Variants in TNFSF8 observed in about 807,000 individuals in gnomAD.
TNFSF8 encodes the protein TNF superfamily member 8.
A neutral mutation model predicts 22.0 loss-of-function variants in TNFSF8; 4 were observed. The observed-to-expected ratio is 0.18, with a 90% CI of 0.09 to 0.42. The LOEUF (loss-of-function observed/expected upper bound fraction) is 0.42. Ranked by LOEUF, TNFSF8 falls within the 10% of genes least tolerant of loss-of-function variation. The probability of loss-of-function intolerance (pLI) is 1.00; values close to 1 mark genes in which losing one functional copy is unlikely to be tolerated. For synonymous variants in TNFSF8, 106 were observed against 112.5 expected, an observed-to-expected ratio of 0.94 and a Z score of 0.37; for missense variants, 233 against 281.8, an observed-to-expected ratio of 0.83 and a Z score of 1.24.
intron 2 of TNFSF8, among the ~76,000 whole-genome samples, chr9:114,910,337 A>G (rs1587934228): frequency 6.6e-6 from 1 of 152,190 alleles, no homozygotes; most frequent in South Asian, 2.1e-4. Flanking sequence ...TCACAATATT[A>G]GACAGAAAGG....
At chr9:114,912,296 C>T (rs1474271348) in intron 2 of TNFSF8, among the ~76,000 whole-genome samples, 1 of 152,202 alleles carries the variant, frequency 6.6e-6, no homozygotes, top group East Asian at 1.9e-4. Context: ...TGCCCTAGTC[C>T]ATGGTTTGTG....
Position 114,904,025 on chromosome 9 carries a change from A to T in TNFSF8, c.611T>A (p.Ile204Lys). ...CTGGAATGTATCCACATTGACTGAT[A>T]TGGTGGTGTTGACCTGCAGGTAATC... is the stretch of plus-strand genomic sequence containing the variant. ...LLDYLQVNTTISVNVDTFQYI... is the reference protein window; with the variant it reads ...LLDYLQVNTTKSVNVDTFQYI... The change falls in exon 4 of 4, where the codon ATA (isoleucine) becomes AAA (lysine). Residue 204 changes from isoleucine to lysine, a missense_variant. Transcript: ENST00000223795. 1 of 1,614,150 alleles carries T rather than the reference A, an allele frequency of 6.2e-7. No homozygotes were observed. The highest frequency in any genetic ancestry group is 8.5e-7 in the Non-Finnish European group (1 of 1,179,982).
chr9:114,905,972 A>C, intron 2 of TNFSF8, 73 bp from the exon 3 acceptor site: 1 of 985,360 alleles, frequency 1.0e-6, no homozygotes, highest in Non-Finnish European at 1.6e-6. Flanking sequence ...ATCTTTTTCT[A>C]CAACACTTTG....
At chr9:114,907,334 G>A (rs931655368) in intron 2 of TNFSF8, among the ~76,000 whole-genome samples, 3 of 152,128 alleles carry the variant, frequency 2.0e-5, no homozygotes, top group African/African-American at 7.2e-5. Context: ...TGCATCCTCT[G>A]ATCAGTGCTC....
intron 3 of TNFSF8, among the ~76,000 whole-genome samples, chr9:114,905,056 G>T (rs1279525373): frequency 6.6e-6 from 1 of 152,214 alleles, no homozygotes; most frequent in African/African-American, 2.4e-5. Context: ...TGTGTTGGAA[G>T]GTGAGTCTCT....
At chr9:114,912,210 G>T (rs1266553659) in intron 2 of TNFSF8, among the ~76,000 whole-genome samples, 2 of 152,150 alleles carry the variant, frequency 1.3e-5, no homozygotes, top group Non-Finnish European at 2.9e-5. Flanking sequence ...GTTGTAGAGA[G>T]GATTAAATGA....
chr9:114,914,510 G>A (rs1827893365), intron 2 of TNFSF8, among the ~76,000 whole-genome samples: 1 of 152,182 alleles, frequency 6.6e-6, no homozygotes, highest in Admixed American at 6.5e-5. Flanking sequence ...ATGAGGAGAA[G>A]GATGAGCTTC....
At chr9:114,905,735 T>A (rs958572628) in intron 3 of TNFSF8, 93 bp downstream of exon 3, 1 of 981,204 alleles carries the variant, frequency 1.0e-6, no homozygotes, top group Non-Finnish European at 1.6e-6. Context: ...CATTTGGCCA[T>A]GGGACTCTAA....
At chr9:114,894,586 A>G (rs1307240822) in intron 4 of TNFSF8, among the ~76,000 whole-genome samples, 1 of 152,140 alleles carries the variant, frequency 6.6e-6, no homozygotes, top group Non-Finnish European at 1.5e-5. Context: ...GACATACTTA[A>G]GCATTTCTTC....
chr9:114,923,913 AT>A (rs996192437), intron 1 of TNFSF8, among the ~76,000 whole-genome samples: 4 of 152,200 alleles, frequency 2.6e-5, no homozygotes, highest in African/African-American at 9.7e-5. Flanking sequence ...GTCAAAAAAA[AT>A]GGGACAACCT....
chr9:114,894,056 T>A lies in TNFSF8; in HGVS notation c.*23A>T, dbSNP rs1014579422. 5.2e-6 allele frequency: 8 copies of A among 1,528,894 alleles called. No individual in the cohort carries two copies. In the African/African-American group the frequency reaches 1.1e-4, roughly 21 times the overall value. The allele number at this position is 1,528,894 out of a possible 1,614,324, so 94.7% of individuals were successfully genotyped here. On this transcript the variant is annotated 3_prime_UTR_variant, in exon 5 of 5. Transcript: ENST00000618336. The stretch of plus-strand genomic sequence containing the variant: ...TGACCCAGGGTAGAAGCAGTTCTTG[T>A]CTGCAGCAACCAGCATCAAGGTTCA...
intron 1 of TNFSF8, among the ~76,000 whole-genome samples, chr9:114,924,201 G>T (rs555419463): frequency 6.0e-4 from 92 of 152,228 alleles, no homozygotes; most frequent in African/African-American, 2.1e-3. Context: ...ATGCAGATTC[G>T]GATTCAGGAG....
At chr9:114,899,893 T>C (rs528492732), downstream of TNFSF8, among the ~76,000 whole-genome samples, 78 of 152,316 alleles carry the variant, frequency 5.1e-4, no homozygotes, top group African/African-American at 1.8e-3. Flanking sequence ...TGTGACACCA[T>C]TTATAATTTT....
chr9:114,929,982 A>C (rs1005581743), intron 1 of TNFSF8, 127 bp downstream of exon 1: 1 of 483,530 alleles, frequency 2.1e-6, no homozygotes, highest in Non-Finnish European at 3.4e-6. Context: ...ATATATAGAG[A>C]GAGAGAGTTT....
rs1827751793 is a variant in TNFSF8, at chr9:114,903,986, C to T, written c.650G>A (p.Ser217Asn). Residue 217 changes from serine (S) to asparagine (N), a missense_variant, in exon 4 of 4, where the codon AGC (serine) becomes AAC (asparagine). Coordinates refer to ENST00000223795, the MANE Select transcript of TNFSF8 (RefSeq NM_001244.4). Reference sequence around the variant, plus strand: ...CAACACATTCTCAAGAGGAAAGGTGCTTGTATCTATGTACTGGAATGTATC... The same window carrying T: ...CAACACATTCTCAAGAGGAAAGGTGTTTGTATCTATGTACTGGAATGTATC... ...NVDTFQYIDT[S>N]TFPLENVLSI... 6.2e-7 allele frequency: 1 copy of T among 1,613,904 alleles called. No individual in the cohort carries two copies. Among genetic ancestry groups the T allele is most frequent in the Non-Finnish European group, 8.5e-7 (1 of 1,179,954 alleles).
Position 114,894,107 on chromosome 9 carries a change from T to C in TNFSF8, c.467A>G (p.His156Arg), listed in dbSNP as rs1827632647. Residue 156 changes from histidine to arginine, a missense_variant, in exon 5 of 5, where the codon CAC (histidine) becomes CGC (arginine). By Grantham distance (29) the His-to-Arg change is conservative. Coordinates refer to the TNFSF8 transcript ENST00000618336. ...GGGTTGTAGAGTTTCAAGGCAGCAG[T>C]GTCCCTTCCCAGAGTCCAGGGTAGA... 5 of 1,535,332 alleles carry C rather than the reference T, an allele frequency of 3.3e-6. No homozygotes were observed. The African/African-American group carries it at 5.5e-5, about 17-fold the overall frequency.
At chr9:114,910,817 G>A (rs1338012207) in intron 2 of TNFSF8, among the ~76,000 whole-genome samples, 1 of 152,192 alleles carries the variant, frequency 6.6e-6, no homozygotes, top group African/African-American at 2.4e-5. Context: ...GTACCTTCCA[G>A]ATGTACAGCA....
chr9:114,926,877 A>G (rs1828067373), intron 1 of TNFSF8, among the ~76,000 whole-genome samples: 1 of 150,172 alleles, frequency 6.7e-6, no homozygotes, highest in African/African-American at 2.4e-5. Context: ...TTTGCTAGTT[A>G]CTTTTCTTAA....
At position 114,903,743 on chromosome 9, in the gene TNFSF8, T is replaced by C; in HGVS notation, c.*188A>G. ...GCTTCCCTGCCTGCTATCTGAAAGA[T>C]ACTTCACTAAAAACTCTCTTTTTAA... On this transcript the variant is annotated 3_prime_UTR_variant, in exon 4 of 4. Transcript: ENST00000223795. The C allele has an allele frequency of 1.5e-6, 2 of 1,358,066 alleles. No individual in the cohort carries two copies. The highest frequency in any genetic ancestry group is 1.9e-6 in the Non-Finnish European group (2 of 1,060,444). The allele number at this position is 1,358,066 out of a possible 1,614,324, so 84.1% of individuals were successfully genotyped here.
Sources: allele counts gnomAD v4.1 joint callset (sites outside exome capture counted in the v4.1 genomes callset), GRCh38; gene constraint gnomAD v4.1.1; transcripts MANE v1.5; gene names NCBI Gene and HGNC (gene_info 2026-07-23, HGNC 2026-07-21).